The following ASH1L variants were observed in gnomAD, a reference collection of about 807,000 sequenced individuals.
The protein encoded by ASH1L is histone-lysine N-methyltransferase ASH1L.
ASH1L carries 23 observed loss-of-function variants against 269.0 expected under a neutral mutation model. That is an observed-to-expected ratio of 0.09 (90% confidence interval 0.06 to 0.12). The LOEUF (loss-of-function observed/expected upper bound fraction) is 0.12. Among genes scored for constraint, ASH1L ranks in the 10% least tolerant of loss-of-function variants. ASH1L has a pLI of 1.00. For synonymous variants in ASH1L, 1,187 were observed against 1,253.5 expected (o/e 0.95, Z 1.12); for missense variants, 2,912 against 3,567.8 (o/e 0.82, Z 4.68).
intron 1 of ASH1L, among the ~76,000 whole-genome samples, chr1:155,550,235 G>T (rs1340897980): frequency 1.3e-5 from 2 of 152,008 alleles, no homozygotes; most frequent in African/African-American, 4.8e-5. Context: ...GGTCAGGCTG[G>T]TCTCAAACTC....
intron 26 of ASH1L, 56 bp downstream of exon 26, chr1:155,339,272 C>T: frequency 6.6e-7 from 1 of 1,520,290 alleles, no homozygotes; most frequent in Non-Finnish European, 9.1e-7. Context: ...TTTTCTTGAT[C>T]CATTCAAGCT....
In ASH1L at chr1:155,562,730, A is replaced by AG; in HGVS notation, c.-678_-677insC. 7.5e-7 allele frequency: 1 copy of AG among 1,339,908 alleles called. No individual in the cohort carries two copies. Among genetic ancestry groups the AG allele is most frequent in the Admixed American group, 2.0e-5 (1 of 49,438 alleles). 83.0% of individuals were successfully genotyped at this position (1,339,908 alleles called of 1,614,324 possible). On this transcript the variant is annotated 5_prime_UTR_variant, in exon 1 of 28. Transcript: ENST00000392403. ...GAACCCCCTCGTCCAGTCCCTCACT[A>AG]CCCCTCAGGCCCTGTCAAGCCGGCG... is the stretch of plus-strand genomic sequence containing the variant.
At position 155,521,226 on chromosome 1, in the gene ASH1L, T is replaced by A; in HGVS notation, c.294A>T (p.Lys98Asn). 6.2e-7 allele frequency: 1 copy of A among 1,613,888 alleles called. No individual in the cohort carries two copies. ...KIGLQAKRTK[K>N]PPKNLENYVC... ...CATAGTTCTCCAAGTTCTTTGGAGG[T>A]TTTTTAGTTCTCTTAGCCTGGAGGC... Residue 98 changes from lysine (K) to asparagine (N), a missense_variant, in exon 2 of 28, where the codon AAA becomes AAT. Lys to Asn is a moderately conservative substitution (Grantham distance 94). Transcript: ENST00000392403.
chr1:155,346,357 A>G, intron 21 of ASH1L, 26 bp downstream of exon 21: 1 of 1,609,846 alleles, frequency 6.2e-7, no homozygotes, highest in Non-Finnish European at 8.5e-7. Flanking sequence ...CTTATAGATC[A>G]GAGTTTTATC....
Position 155,545,385 on chromosome 1 carries a change from C to T in ASH1L, c.-100+16768G>A, listed in dbSNP as rs1670737800. On this transcript the variant is annotated intron_variant, in intron 1 of 27. Transcript: ENST00000392403. ...CAAAAGTAATCCTACTTTTGAGACT[C>T]CTATAGAAAAATAAAAGTACCAATA... Among the ~76,000 whole-genome samples the T allele has an allele frequency of 2.6e-5, 4 of 151,356 alleles. No homozygotes were observed. In the South Asian group the frequency reaches 8.3e-4, roughly 32 times the overall value.
intron 10 of ASH1L, among the ~76,000 whole-genome samples, chr1:155,375,964 C>T (rs1042654784): frequency 3.3e-5 from 5 of 152,086 alleles, no homozygotes; most frequent in Admixed American, 6.6e-5. Context: ...ATTAGCCAGG[C>T]GTGGTGACAC....
In ASH1L at chr1:155,382,730, C is replaced by CT. The variant is rs1244087562; in HGVS notation, c.6104-2615dup. Among the ~76,000 whole-genome samples, 452 of 145,204 alleles carry CT rather than the reference C, an allele frequency of 3.1e-3. 1 individual carries two copies. The highest frequency in any genetic ancestry group is 9.0e-3 in the African/African-American group (358 of 39,914). ...GCTAATGTGGGTTTGTGTCTTAGCT[C>CT]TTTTTTTTTTTTCAAGACAGTGTCT... On this transcript the variant is annotated intron_variant, in intron 7 of 27. Transcript: ENST00000392403.
chr1:155,349,126 C>G (rs1570961752), intron 19 of ASH1L, among the ~76,000 whole-genome samples: 2 of 151,864 alleles, frequency 1.3e-5, no homozygotes, highest in South Asian at 4.2e-4. Flanking sequence ...TTTAACCTTC[C>G]ATTCTAGTCC....
At position 155,444,250 on chromosome 1, in the gene ASH1L, G is replaced by C. The variant is rs537494107; in HGVS notation, c.5087-5182C>G. 3.9e-5 allele frequency among the ~76,000 whole-genome samples: 6 copies of C among 152,160 alleles called. No homozygotes were observed. In the South Asian group the frequency reaches 1.2e-3, roughly 32 times the overall value. On this transcript the variant is annotated intron_variant, in intron 4 of 27. Coordinates refer to ENST00000392403, the MANE Select transcript of ASH1L (RefSeq NM_018489.3). ...ACCTGCCTTGGCCTCCCAAAGTCCT[G>C]GGATTACAGGTGTGAGCCACTGCAA...
chr1:155,498,093 A>G (rs534603336), intron 2 of ASH1L, among the ~76,000 whole-genome samples: 7 of 152,258 alleles, frequency 4.6e-5, no homozygotes, highest in Admixed American at 2.6e-4. Flanking sequence ...GATAAACTTT[A>G]AAGATACTAT....
At chr1:155,496,093 TG>T (rs1667137181) in intron 2 of ASH1L, among the ~76,000 whole-genome samples, 1 of 152,272 alleles carries the variant, frequency 6.6e-6, no homozygotes, top group Non-Finnish European at 1.5e-5. Context: ...CTGACTCTTT[TG>T]TAGTAACAGC....
intron 20 of ASH1L, 51 bp downstream of exon 20, chr1:155,347,605 G>T: frequency 6.2e-7 from 1 of 1,604,506 alleles, no homozygotes; most frequent in South Asian, 1.1e-5. Flanking sequence ...CTTTGAATAT[G>T]GTCACCGTGT....
At chr1:155,397,979 A>G (rs768876461) in intron 6 of ASH1L, among the ~76,000 whole-genome samples, 1 of 152,242 alleles carries the variant, frequency 6.6e-6, no homozygotes, top group Non-Finnish European at 1.5e-5. Context: ...AAACAAGTAT[A>G]AAATTATTTA....
intron 3 of ASH1L, among the ~76,000 whole-genome samples, chr1:155,475,508 T>A (rs1356318286): frequency 6.6e-6 from 1 of 152,136 alleles, no homozygotes; most frequent in Non-Finnish European, 1.5e-5. Flanking sequence ...TCTAATTAGA[T>A]CCCCTTCTGC....
intron 15 of ASH1L, among the ~76,000 whole-genome samples, chr1:155,355,064 C>CT (rs1553244400): frequency 1.3e-5 from 2 of 151,552 alleles, no homozygotes; most frequent in African/African-American, 2.4e-5. Flanking sequence ...AAACTTACTA[C>CT]TTTTTTTTTG....
intron 6 of ASH1L, among the ~76,000 whole-genome samples, chr1:155,414,364 C>T (rs1055815539): frequency 5.3e-5 from 8 of 151,976 alleles, no homozygotes; most frequent in Admixed American, 5.2e-4. Flanking sequence ...AGGCTGGAGT[C>T]AATGGCTCGA....
At position 155,492,929 on chromosome 1, in the gene ASH1L, A is replaced by C. The variant is rs72704183; in HGVS notation, c.421-10480T>G. On this transcript the variant is annotated intron_variant, in intron 2 of 27. Coordinates refer to ENST00000392403, the MANE Select transcript of ASH1L (RefSeq NM_018489.3). ...CTTTTGCCCCCCCAAGCTCTAGCCA[A>C]CATCCCACCTCAGCCTCTCAAGTAG... Among the ~76,000 whole-genome samples, 936 of 152,178 alleles carry C rather than the reference A, an allele frequency of 6.2e-3. 7 individuals carry two copies. The highest frequency in any genetic ancestry group is 9.0e-3 in the Non-Finnish European group (611 of 67,990).
intron 5 of ASH1L, chr1:155,434,353 G>T: frequency 6.5e-7 from 1 of 1,527,316 alleles, no homozygotes; most frequent in Non-Finnish European, 8.9e-7. Flanking sequence ...TTGGAATTAA[G>T]TTCTTCATTC....
intron 2 of ASH1L, among the ~76,000 whole-genome samples, chr1:155,501,031 TAAAAAATA>T (rs2148793971): frequency 6.6e-6 from 1 of 152,138 alleles, no homozygotes; most frequent in African/African-American, 2.4e-5. Flanking sequence ...AGAATTGGTT[TAAAAAATA>T]AAAACAAAAC....
Sources: allele counts gnomAD v4.1 joint callset (sites outside exome capture counted in the v4.1 genomes callset), GRCh38; gene constraint gnomAD v4.1.1; transcripts MANE v1.5; gene names NCBI Gene and HGNC (gene_info 2026-07-23, HGNC 2026-07-21).